The following ZNF141 variants were observed in gnomAD, a reference collection of about 807,000 sequenced individuals.
ZNF141 encodes the protein zinc finger protein 141 (clone pHZ-44).
In ZNF141, 7 loss-of-function variants were observed where a neutral mutation model predicts 11.3. The observed-to-expected ratio is 0.62, with a 90% CI of 0.35 to 1.16. The LOEUF is 1.16. Ranked by LOEUF, ZNF141 falls within the 50% of genes most tolerant of loss-of-function variation. The probability of loss-of-function intolerance (pLI) is 0.02; values close to 1 mark genes in which losing one functional copy is unlikely to be tolerated. For missense variants in ZNF141, 535 were observed against 554.0 expected, an observed-to-expected ratio of 0.97 and a Z score of 0.34; for synonymous variants, 183 against 190.7, an observed-to-expected ratio of 0.96 and a Z score of 0.33.
chr4:384,645 A>G lies in ZNF141; in HGVS notation c.*10783A>G, dbSNP rs1365682493. On this transcript the variant is annotated 3_prime_UTR_variant, in exon 4 of 4. Coordinates refer to ENST00000240499, the MANE Select transcript of ZNF141 (RefSeq NM_003441.4). ...GGTTTTGCTTGGGCACTCATGGGTAATAACCAAGATGGAGTCACTGTGGTC... is the reference window on the plus strand; with the variant it reads ...GGTTTTGCTTGGGCACTCATGGGTAGTAACCAAGATGGAGTCACTGTGGTC... 1 of 152,188 alleles carries G rather than the reference A, an allele frequency of 6.6e-6. No homozygotes were observed. The highest frequency in any genetic ancestry group is 1.5e-5 in the Non-Finnish European group (1 of 68,044). 9.4% of individuals were successfully genotyped at this position (152,188 alleles called of 1,614,324 possible). A position where few individuals can be genotyped will look rare whatever the true frequency, so the allele number is the denominator to read the frequency against.
intron 3 of ZNF141, among the ~76,000 whole-genome samples, chr4:353,065 A>G (rs1168805337): frequency 6.6e-6 from 1 of 152,038 alleles, no homozygotes; most frequent in Non-Finnish European, 1.5e-5. Flanking sequence ...AACTCCATAT[A>G]TTTGGTGTTG....
intron 3 of ZNF141, among the ~76,000 whole-genome samples, chr4:361,772 T>G (rs1553852207): frequency 6.6e-6 from 1 of 152,258 alleles, no homozygotes; most frequent in South Asian, 2.1e-4. Context: ...TAATCCAGTC[T>G]ATCATTGATG....
chr4:364,394 T>G (rs889183689), intron 3 of ZNF141, among the ~76,000 whole-genome samples: 1 of 152,242 alleles, frequency 6.6e-6, no homozygotes, highest in Non-Finnish European at 1.5e-5. Context: ...ATTCAGAGAT[T>G]CTGTTTCTTC....
At chr4:338,114 C>G in intron 1 of ZNF141, 128 bp downstream of exon 1, 1 of 1,294,940 alleles carries the variant, frequency 7.7e-7, no homozygotes, top group Non-Finnish European at 1.1e-6. Flanking sequence ...CCTCAGTACC[C>G]TCCGGTGAGG....
chr4:358,760 TAG>T (rs1721971127), intron 3 of ZNF141, among the ~76,000 whole-genome samples: 1 of 151,120 alleles, frequency 6.6e-6, no homozygotes, highest in Non-Finnish European at 1.5e-5. Flanking sequence ...GTATTTTTAG[TAG>T]AGACGGTTTC....
Position 376,350 on chromosome 4 carries a change from ATC to A in ZNF141, c.*2490_*2491del, listed in dbSNP as rs1712363447. Among the ~76,000 whole-genome samples, 1 of 152,012 alleles carries A rather than the reference ATC, an allele frequency of 6.6e-6. No homozygotes were observed. The highest frequency in any genetic ancestry group is 1.5e-5 in the Non-Finnish European group (1 of 67,896). ...TTGTGGGTACATAGTATGCATATTTATCTATGGCATATATGGGTTATTTTCTT... is the reference window on the plus strand; with the variant it reads ...TTGTGGGTACATAGTATGCATATTTATATGGCATATATGGGTTATTTTCTT... On this transcript the variant is annotated 3_prime_UTR_variant, in exon 4 of 4. Coordinates refer to ENST00000240499, the MANE Select transcript of ZNF141 (RefSeq NM_003441.4).
At chr4:368,487 C>T (rs991213964) in intron 3 of ZNF141, among the ~76,000 whole-genome samples, 4 of 152,224 alleles carry the variant, frequency 2.6e-5, no homozygotes, top group African/African-American at 9.7e-5. Flanking sequence ...AGCGATCCAC[C>T]TGTCTCGGCC....
intron 1 of ZNF141, among the ~76,000 whole-genome samples, chr4:339,652 T>C (rs1256660708): frequency 2.0e-5 from 3 of 152,276 alleles, no homozygotes; most frequent in African/African-American, 7.2e-5. Flanking sequence ...TATATTTAAA[T>C]ATTTTCTCTG....
At chr4:339,322 A>G (rs1449015790) in intron 1 of ZNF141, among the ~76,000 whole-genome samples, 1 of 152,232 alleles carries the variant, frequency 6.6e-6, no homozygotes, top group African/African-American at 2.4e-5. Context: ...GGAATCAGTT[A>G]GAGCTTAGCC....
intron 3 of ZNF141, among the ~76,000 whole-genome samples, chr4:349,602 A>G (rs914049761): frequency 2.0e-5 from 3 of 152,166 alleles, no homozygotes; most frequent in Admixed American, 1.3e-4. Flanking sequence ...CAGTTTGTAT[A>G]AACTATTTTT....
In ZNF141 at chr4:357,600, AT is replaced by A. The variant is rs547254922; in HGVS notation, c.226+13179del. ...ATTATACCTTTACACAATTAAAAAA[AT>A]TTTTTTTTCTCTGTCTCCTGAACCT... On this transcript the variant is annotated intron_variant, in intron 3 of 3. Coordinates refer to ENST00000240499, the MANE Select transcript of ZNF141 (RefSeq NM_003441.4). 7.4e-3 allele frequency among the ~76,000 whole-genome samples: 1,117 copies of A among 151,282 alleles called. 11 individuals are homozygous for A. In the Middle Eastern group the frequency reaches 0.075, roughly 10 times the overall value.
At chr4:362,287 T>C (rs782192471) in intron 3 of ZNF141, among the ~76,000 whole-genome samples, 79 of 152,306 alleles carry the variant, frequency 5.2e-4, no homozygotes, top group Non-Finnish European at 9.1e-4. Flanking sequence ...AGCCCTTTGT[T>C]GGATGGGTAG....
rs1712415248 is a variant in ZNF141 at position 377,227 on chromosome 4, G to A, written c.*3365G>A. ...TACTTGGAAAACTTTGTCAGTCATG[G>A]GGATGTTTTGATCTATTATTGTAGT... On this transcript the variant is annotated 3_prime_UTR_variant, in exon 4 of 4. Transcript: ENST00000240499. 6.6e-6 allele frequency among the ~76,000 whole-genome samples: 1 copy of A among 152,040 alleles called. No individual in the cohort carries two copies. The highest frequency in any genetic ancestry group is 2.1e-4 in the South Asian group (1 of 4,818).
At chr4:369,237 T>C (rs1404328377) in intron 3 of ZNF141, among the ~76,000 whole-genome samples, 2 of 152,058 alleles carry the variant, frequency 1.3e-5, no homozygotes, top group Admixed American at 1.3e-4. Flanking sequence ...GTAAATGAAC[T>C]TGTTTATTAT....
At position 376,680 on chromosome 4, in the gene ZNF141, G is replaced by C. The variant is rs1267866558; in HGVS notation, c.*2818G>C. ...GTGTTGCTGTAAAGATAAACCTTAG[G>C]TGTAAGAAAATTATAGAGCAAGCAA... On this transcript the variant is annotated 3_prime_UTR_variant, in exon 4 of 4. Coordinates refer to ENST00000240499, the MANE Select transcript of ZNF141 (RefSeq NM_003441.4). Among the ~76,000 whole-genome samples, 2 of 152,008 alleles carry C rather than the reference G, an allele frequency of 1.3e-5. No homozygotes were observed. The highest frequency in any genetic ancestry group is 4.8e-5 in the African/African-American group (2 of 41,408).
At chr4:345,850 C>T (rs1721297786) in intron 3 of ZNF141, among the ~76,000 whole-genome samples, 1 of 152,020 alleles carries the variant, frequency 6.6e-6, no homozygotes, top group Non-Finnish European at 1.5e-5. Flanking sequence ...AGTATCTACT[C>T]ACCTTCTATA....
At chr4:341,029 T>A (rs1721021203) in intron 1 of ZNF141, among the ~76,000 whole-genome samples, 1 of 152,122 alleles carries the variant, frequency 6.6e-6, no homozygotes, top group African/African-American at 2.4e-5. Flanking sequence ...TCTTATATTA[T>A]GTTTACCCCA....
chr4:355,957 GC>G (rs1441389723), intron 3 of ZNF141, among the ~76,000 whole-genome samples: 1 of 152,096 alleles, frequency 6.6e-6, no homozygotes, highest in Non-Finnish European at 1.5e-5. Flanking sequence ...ACTAGGCTGG[GC>G]ACAGTGGCTT....
At chr4:359,298 GA>G (rs59855402) in intron 3 of ZNF141, among the ~76,000 whole-genome samples, 12 of 148,508 alleles carry the variant, frequency 8.1e-5, no homozygotes, top group Admixed American at 3.4e-4. Flanking sequence ...CTGGTGCTGA[GA>G]AAAAAAAAAC....
Sources: gnomAD v4.1 joint callset for allele counts (sites outside exome capture counted in the v4.1 genomes callset) on GRCh38, gnomAD v4.1.1 for gene constraint, MANE v1.5 for transcripts, NCBI Gene and HGNC (gene_info 2026-07-23, HGNC 2026-07-21) for gene names.